The following CTNND2 variants were observed in gnomAD, a reference collection of about 807,000 sequenced individuals.
CTNND2 encodes catenin delta-2.
CTNND2 carries 22 observed loss-of-function variants against 144.4 expected under a neutral mutation model. That is an observed-to-expected ratio of 0.15 (90% CI 0.11 to 0.22). The LOEUF is 0.22. CTNND2 is among the 10% of genes least tolerant of loss of function. The probability of loss-of-function intolerance (pLI) is 1.00; values close to 1 mark genes in which losing one functional copy is unlikely to be tolerated. For missense variants in CTNND2, 1,353 were observed against 1,618.8 expected (o/e 0.84, Z 2.82); for synonymous variants, 751 against 695.6 (o/e 1.08, Z -1.25).
intron 3 of CTNND2, among the ~76,000 whole-genome samples, chr5:11,500,744 C>T (rs1057145555): frequency 4.6e-5 from 7 of 152,216 alleles, no homozygotes; most frequent in Non-Finnish European, 1.0e-4. Flanking sequence ...AATACACATA[C>T]TGAACACCAC....
intron 11 of CTNND2, among the ~76,000 whole-genome samples, chr5:11,164,675 A>T (rs1188770174): frequency 6.6e-6 from 1 of 152,150 alleles, no homozygotes; most frequent in African/African-American, 2.4e-5. Context: ...ATTCTGGAAC[A>T]TTGTTTCCTA....
intron 15 of CTNND2, chr5:11,083,913 A>G: frequency 8.7e-7 from 1 of 1,147,036 alleles, no homozygotes; most frequent in Non-Finnish European, 1.1e-6. Flanking sequence ...TCTGGCAGTG[A>G]ACGTAGGGCA....
chr5:11,138,467 C>T (rs1029636395), intron 12 of CTNND2, among the ~76,000 whole-genome samples: 6 of 152,198 alleles, frequency 3.9e-5, no homozygotes, highest in Non-Finnish European at 8.8e-5. Context: ...TGCGAGGACA[C>T]GTGTTAAACT....
At chr5:11,156,243 A>C (rs1336343014) in intron 12 of CTNND2, among the ~76,000 whole-genome samples, 1 of 152,246 alleles carries the variant, frequency 6.6e-6, no homozygotes, top group Non-Finnish European at 1.5e-5. Flanking sequence ...ATTTAAGAGC[A>C]ATATAATTTG....
chr5:11,367,972 G>C (rs896758908), intron 7 of CTNND2, among the ~76,000 whole-genome samples: 7 of 152,114 alleles, frequency 4.6e-5, no homozygotes, highest in African/African-American at 1.7e-4. Context: ...TTTTATAATA[G>C]GGTTTTGCTC....
chr5:11,687,472 C>T (rs1784708039), intron 2 of CTNND2, among the ~76,000 whole-genome samples: 1 of 152,210 alleles, frequency 6.6e-6, no homozygotes, highest in African/African-American at 2.4e-5. Flanking sequence ...TCAAAACCTG[C>T]TGCCCCCACT....
chr5:11,229,679 T>TAC (rs1740777280), intron 10 of CTNND2, among the ~76,000 whole-genome samples: 1 of 151,636 alleles, frequency 6.6e-6, no homozygotes, highest in Admixed American at 6.6e-5. Flanking sequence ...TGTGTATATA[T>TAC]ATAACTGTGT....
intron 3 of CTNND2, among the ~76,000 whole-genome samples, chr5:11,525,819 C>G (rs1010083092): frequency 2.6e-5 from 4 of 152,226 alleles, no homozygotes; most frequent in African/African-American, 9.6e-5. Context: ...TTGGTGGCCA[C>G]CTGGTACCCT....
At chr5:11,669,943 C>A (rs746207009) in intron 2 of CTNND2, among the ~76,000 whole-genome samples, 10 of 152,068 alleles carry the variant, frequency 6.6e-5, no homozygotes, top group Non-Finnish European at 1.2e-4. Context: ...GATTCCAGTA[C>A]ATTATGTCTT....
At chr5:11,345,785 AG>A (rs1039438253) in intron 9 of CTNND2, among the ~76,000 whole-genome samples, 7 of 151,802 alleles carry the variant, frequency 4.6e-5, no homozygotes, top group African/African-American at 9.7e-5. Context: ...AAAGAAAGAA[AG>A]AAAAAACAGC....
At chr5:11,723,981 G>A (rs556909667) in intron 2 of CTNND2, among the ~76,000 whole-genome samples, 213 of 152,106 alleles carry the variant, frequency 1.4e-3, no homozygotes, top group African/African-American at 5.0e-3. Context: ...TGTGAACCCG[G>A]GAGGCGGACC....
intron 12 of CTNND2, among the ~76,000 whole-genome samples, chr5:11,136,260 C>T (rs1756134897): frequency 6.6e-6 from 1 of 152,120 alleles, no homozygotes; most frequent in Admixed American, 6.5e-5. Flanking sequence ...ACAGAGACTG[C>T]CAGCCTTTTT....
chr5:11,305,266 C>T (rs1298017962), intron 9 of CTNND2, among the ~76,000 whole-genome samples: 1 of 152,194 alleles, frequency 6.6e-6, no homozygotes, highest in Non-Finnish European at 1.5e-5. Context: ...AGTGGATTCC[C>T]CAGGATCGCC....
intron 8 of CTNND2, among the ~76,000 whole-genome samples, chr5:11,352,104 C>A (rs889941864): frequency 6.6e-6 from 1 of 152,102 alleles, no homozygotes; most frequent in Non-Finnish European, 1.5e-5. Context: ...TTTGAACATA[C>A]AAAATTTAAA....
At chr5:11,287,752 G>T (rs530992092) in intron 9 of CTNND2, among the ~76,000 whole-genome samples, 4 of 152,234 alleles carry the variant, frequency 2.6e-5, no homozygotes, top group Admixed American at 2.6e-4. Flanking sequence ...AGTACATTTC[G>T]TTTTTCTAGA....
chr5:11,339,938 GTTATAAT>G (rs1232965326), intron 9 of CTNND2, among the ~76,000 whole-genome samples: 1 of 152,196 alleles, frequency 6.6e-6, no homozygotes, highest in Non-Finnish European at 1.5e-5. Flanking sequence ...ATACACTATG[GTTATAAT>G]TTATAAGTTA....
At chr5:11,102,616 C>T (rs893208986) in intron 14 of CTNND2, among the ~76,000 whole-genome samples, 8 of 152,144 alleles carry the variant, frequency 5.3e-5, no homozygotes, top group Admixed American at 1.3e-4. Flanking sequence ...AAAAAATCAG[C>T]CAACAGTTTC....
At chr5:11,355,674 C>T (rs1280094047) in intron 8 of CTNND2, among the ~76,000 whole-genome samples, 2 of 152,044 alleles carry the variant, frequency 1.3e-5, no homozygotes, top group Non-Finnish European at 2.9e-5. Context: ...ACTGGAAGTC[C>T]TAGTCAGAGT....
intron 12 of CTNND2, among the ~76,000 whole-genome samples, chr5:11,145,467 G>A (rs1038444265): frequency 9.2e-5 from 14 of 152,044 alleles, no homozygotes; most frequent in Non-Finnish European, 1.8e-4. Flanking sequence ...TGCAGATGAG[G>A]ATGCCTGCTC....
Sources: gnomAD v4.1 joint callset for allele counts (sites outside exome capture counted in the v4.1 genomes callset) on GRCh38, gnomAD v4.1.1 for gene constraint, MANE v1.5 for transcripts, NCBI Gene and HGNC (gene_info 2026-07-23, HGNC 2026-07-21) for gene names.